The following GRID1 variants were observed in gnomAD, a reference collection of about 807,000 sequenced individuals.
The protein encoded by GRID1 is glutamate receptor ionotropic, delta-1.
Under a neutral mutation model 98.0 loss-of-function variants are expected in GRID1, and 28 were observed. The ratio of observed to expected loss-of-function variants is 0.29; its 90% CI spans 0.21 to 0.39. GRID1 has a LOEUF of 0.39. GRID1 is among the 10% of genes least tolerant of loss of function. The pLI, the probability that GRID1 is intolerant of heterozygous loss-of-function variation, is 1.00. For missense variants in GRID1, 1,111 were observed against 1,340.5 expected (o/e 0.83, Z 2.67); for synonymous variants, 553 against 538.5 (o/e 1.03, Z -0.37).
intron 5 of GRID1, among the ~76,000 whole-genome samples, chr10:85,873,655 A>G (rs999451321): frequency 2.6e-5 from 4 of 152,200 alleles, no homozygotes; most frequent in African/African-American, 7.2e-5. Flanking sequence ...TGATTAGTGT[A>G]GCGTAACCCA....
At chr10:85,831,294 G>C (rs936132000) in intron 8 of GRID1, among the ~76,000 whole-genome samples, 5 of 151,942 alleles carry the variant, frequency 3.3e-5, no homozygotes, top group African/African-American at 1.2e-4. Flanking sequence ...TGAGGGTGGA[G>C]GGTGGGAGGG....
intron 8 of GRID1, among the ~76,000 whole-genome samples, chr10:85,761,366 G>T (rs1027993259): frequency 6.6e-6 from 1 of 152,190 alleles, no homozygotes; most frequent in Non-Finnish European, 1.5e-5. Flanking sequence ...AGGAGAAATT[G>T]ACTCCTGGAG....
At chr10:85,770,079 G>A (rs1350286764) in intron 8 of GRID1, among the ~76,000 whole-genome samples, 1 of 152,196 alleles carries the variant, frequency 6.6e-6, no homozygotes, top group Non-Finnish European at 1.5e-5. Flanking sequence ...GCACCCCCCA[G>A]TAGGGGCAGA....
intron 8 of GRID1, among the ~76,000 whole-genome samples, chr10:85,750,105 G>T (rs1374389560): frequency 6.6e-6 from 1 of 152,128 alleles, no homozygotes; most frequent in Non-Finnish European, 1.5e-5. Context: ...CAATAAAAAT[G>T]AATGATTATT....
At position 85,635,408 on chromosome 10, in the gene GRID1, C is replaced by A. The variant is rs1043878999; in HGVS notation, c.2193+11794G>T. Reference sequence around the variant, plus strand: ...GCCACCCAGGCCCAGGGCAGAGGACCCCCTGCCCTCCCCTGCCCCCTCCTT... The same window carrying A: ...GCCACCCAGGCCCAGGGCAGAGGACACCCTGCCCTCCCCTGCCCCCTCCTT... On this transcript the variant is annotated intron_variant, in intron 13 of 15. Coordinates refer to ENST00000327946, the MANE Select transcript of GRID1 (RefSeq NM_017551.3). Among the ~76,000 whole-genome samples, 3 of 152,094 alleles carry A rather than the reference C, an allele frequency of 2.0e-5. No individual in the cohort carries two copies. The East Asian group carries it at 5.8e-4, about 29-fold the overall frequency.
At chr10:86,196,363 C>T (rs1589406713) in intron 3 of GRID1, among the ~76,000 whole-genome samples, 3 of 151,946 alleles carry the variant, frequency 2.0e-5, no homozygotes, top group African/African-American at 4.8e-5. Flanking sequence ...GTAAGAAAAA[C>T]GAGAAATGGT....
At chr10:85,767,858 TGCTCACAAAAGGCTATGGCTGGTGCCACA>T (rs1349663449) in intron 8 of GRID1, among the ~76,000 whole-genome samples, 1 of 152,208 alleles carries the variant, frequency 6.6e-6, no homozygotes, top group Non-Finnish European at 1.5e-5. Context: ...GAGAGCTCTC[TGCTCACAAAAGGCTATGGCTGGTGCCACA>T]GCTATAGTGA....
chr10:85,736,371 C>T (rs554641268), intron 8 of GRID1, among the ~76,000 whole-genome samples: 1 of 152,228 alleles, frequency 6.6e-6, no homozygotes, highest in African/African-American at 2.4e-5. Flanking sequence ...AAATCTCATG[C>T]TTAATAATAT....
At chr10:86,123,691 C>A (rs1234892231) in intron 4 of GRID1, among the ~76,000 whole-genome samples, 2 of 152,208 alleles carry the variant, frequency 1.3e-5, no homozygotes, top group African/African-American at 4.8e-5. Flanking sequence ...GAATTCCCTG[C>A]TGAAAGAAAG....
intron 4 of GRID1, among the ~76,000 whole-genome samples, chr10:86,025,024 A>G (rs1843098674): frequency 1.3e-5 from 2 of 152,190 alleles, no homozygotes; most frequent in Admixed American, 1.3e-4. Context: ...AACCACACAC[A>G]TGGTTTGAAA....
Position 85,764,507 on chromosome 10 carries a change from C to T in GRID1, c.1234-34893G>A, listed in dbSNP as rs556749064. ...CCAGTCATCTTGATGTGGGGAAAGT[C>T]AGCCACCTGGGCTGCTGCAGGTGAA... On this transcript the variant is annotated intron_variant, in intron 8 of 15. Coordinates refer to ENST00000327946, the MANE Select transcript of GRID1 (RefSeq NM_017551.3). 2.0e-5 allele frequency among the ~76,000 whole-genome samples: 3 copies of T among 152,306 alleles called. No homozygotes were observed. In the East Asian group the frequency reaches 5.8e-4, roughly 29 times the overall value.
chr10:86,285,512 G>A (rs1225807460), intron 2 of GRID1, among the ~76,000 whole-genome samples: 1 of 152,170 alleles, frequency 6.6e-6, no homozygotes, highest in Admixed American at 6.5e-5. Context: ...GGCCCCTGCC[G>A]ACTGGGTCAA....
intron 4 of GRID1, among the ~76,000 whole-genome samples, chr10:86,071,416 C>A (rs1843802327): frequency 6.6e-6 from 1 of 152,250 alleles, no homozygotes; most frequent in Non-Finnish European, 1.5e-5. Flanking sequence ...ACCTCTGGGT[C>A]TCTGGTCCAT....
chr10:85,629,102 C>T (rs898999061), intron 13 of GRID1, among the ~76,000 whole-genome samples: 1 of 152,150 alleles, frequency 6.6e-6, no homozygotes, highest in Non-Finnish European at 1.5e-5. Flanking sequence ...CTGTCTCATC[C>T]TGGTATTCCT....
chr10:86,105,915 G>A (rs949079813), intron 4 of GRID1, among the ~76,000 whole-genome samples: 2 of 152,172 alleles, frequency 1.3e-5, no homozygotes, highest in Non-Finnish European at 2.9e-5. Flanking sequence ...GGTAGAGTTA[G>A]CATGGTATGC....
Position 86,280,818 on chromosome 10 carries a change from G to A in GRID1, c.236-74170C>T, listed in dbSNP as rs146065424. Among the ~76,000 whole-genome samples, 138 of 152,192 alleles carry A rather than the reference G, an allele frequency of 9.1e-4. 2 individuals are homozygous for A. Among genetic ancestry groups the A allele is most frequent in the African/African-American group, 3.1e-3 (127 of 41,504 alleles). ...CCCTGTCAGTGCATAACATATCCATGTATTTTCTCTCCCCCATTTTCCCTT... is the reference window on the plus strand; with the variant it reads ...CCCTGTCAGTGCATAACATATCCATATATTTTCTCTCCCCCATTTTCCCTT... On this transcript the variant is annotated intron_variant, in intron 2 of 15. Coordinates refer to ENST00000327946, the MANE Select transcript of GRID1 (RefSeq NM_017551.3).
chr10:85,841,680 C>T (rs758780769), intron 8 of GRID1, among the ~76,000 whole-genome samples: 1 of 151,890 alleles, frequency 6.6e-6, no homozygotes, highest in Non-Finnish European at 1.5e-5. Context: ...TGAACAGATG[C>T]TTTTCAAAAG....
intron 8 of GRID1, among the ~76,000 whole-genome samples, chr10:85,769,336 G>T (rs1264490636): frequency 6.6e-6 from 1 of 152,176 alleles, no homozygotes; most frequent in African/African-American, 2.4e-5. Context: ...AAGATGGCAG[G>T]AGCTGGAGCC....
intron 3 of GRID1, among the ~76,000 whole-genome samples, chr10:86,160,750 C>T (rs1284843812): frequency 2.0e-5 from 3 of 152,224 alleles, no homozygotes; most frequent in East Asian, 1.9e-4. Flanking sequence ...GGAATAATAA[C>T]CCCATTTTTA....
Sources: gnomAD v4.1 joint callset for allele counts (sites outside exome capture counted in the v4.1 genomes callset) on GRCh38, gnomAD v4.1.1 for gene constraint, MANE v1.5 for transcripts, NCBI Gene and HGNC (gene_info 2026-07-23, HGNC 2026-07-21) for gene names.